Variants in DLG2 observed in about 807,000 individuals in gnomAD.
The protein encoded by DLG2 is disks large homolog 2.
In DLG2, 45 loss-of-function variants were observed where a neutral mutation model predicts 132.5. That is an observed-to-expected ratio of 0.34 (90% confidence interval 0.27 to 0.44). The LOEUF is 0.44. Ranked by LOEUF, DLG2 falls within the 20% of genes least tolerant of loss-of-function variation. The probability of loss-of-function intolerance (pLI) is 1.00; values close to 1 mark genes in which losing one functional copy is unlikely to be tolerated. For missense variants in DLG2, 1,045 were observed against 1,196.9 expected (o/e 0.87, Z 1.87); for synonymous variants, 424 against 419.6 (o/e 1.01, Z -0.13).
intron 15 of DLG2, among the ~76,000 whole-genome samples, chr11:83,919,262 C>T (rs765643186): frequency 2.6e-4 from 40 of 152,082 alleles, no homozygotes; most frequent in Non-Finnish European, 3.5e-4. Context: ...TCTACAGGTA[C>T]CATAGGCCCT....
intron 18 of DLG2, among the ~76,000 whole-genome samples, chr11:83,702,385 A>C (rs892587674): frequency 5.9e-5 from 9 of 152,242 alleles, no homozygotes; most frequent in Non-Finnish European, 1.3e-4. Context: ...AAAAGGTAGA[A>C]TGTGACTTAT....
intron 17 of DLG2, among the ~76,000 whole-genome samples, chr11:83,832,768 T>G (rs1364864112): frequency 1.3e-5 from 2 of 152,076 alleles, no homozygotes. Flanking sequence ...TTGAAATTAT[T>G]AAAAAGGTAA....
At chr11:85,122,230 C>T (rs2074408857) in intron 5 of DLG2, among the ~76,000 whole-genome samples, 1 of 152,132 alleles carries the variant, frequency 6.6e-6, no homozygotes, top group Non-Finnish European at 1.5e-5. Context: ...AACAAAGATG[C>T]AGACAATGTG....
chr11:84,903,588 T>C (rs1590973170), intron 6 of DLG2, among the ~76,000 whole-genome samples: 1 of 152,186 alleles, frequency 6.6e-6, no homozygotes, highest in African/African-American at 2.4e-5. Flanking sequence ...AATGTACACA[T>C]ATAGTGTTAT....
Position 85,422,537 on chromosome 11 carries a change from A to ATT in DLG2, c.41-137174_41-137173dup, listed in dbSNP as rs58690357. Among the ~76,000 whole-genome samples the ATT allele has an allele frequency of 1.9e-4, 27 of 145,070 alleles. 1 individual carries two copies. Among genetic ancestry groups the ATT allele is most frequent in the Middle Eastern group, 7.3e-3 (2 of 274 alleles). On this transcript the variant is annotated intron_variant, in intron 3 of 27. Coordinates refer to ENST00000376104, the MANE Select transcript of DLG2 (RefSeq NM_001142699.3). ...GTGTCCATTGTTTCCTGAAGTTTTTATTTTTTTTGGTGGGGGGGATTTGTC... is the reference window on the plus strand; with the variant it reads ...GTGTCCATTGTTTCCTGAAGTTTTTATTTTTTTTTTGGTGGGGGGGATTTGTC...
rs188225307 is a variant in DLG2 at position 85,530,015 on chromosome 11, G to A, written c.40+68642C>T. Among the ~76,000 whole-genome samples the A allele has an allele frequency of 9.0e-4, 130 of 144,440 alleles. 1 individual carries two copies. The highest frequency in any genetic ancestry group is 1.2e-4 in the Non-Finnish European group (8 of 66,264). The allele number at this position is 144,440 out of a possible 152,430, so 94.8% of individuals were successfully genotyped here. On this transcript the variant is annotated intron_variant, in intron 3 of 27. Transcript: ENST00000376104. ...TTTTTTTTTTTTTTTTTGAGGTGGA[G>A]TTTGGAGTTTCACTCTTGTTGCCCA...
intron 9 of DLG2, among the ~76,000 whole-genome samples, chr11:84,117,400 G>C (rs570994528): frequency 6.6e-6 from 1 of 152,276 alleles, no homozygotes; most frequent in African/African-American, 2.4e-5. Flanking sequence ...GAATGAAAAG[G>C]AACTAAGTGG....
At chr11:84,804,038 G>T (rs1029769669) in intron 6 of DLG2, among the ~76,000 whole-genome samples, 1 of 152,254 alleles carries the variant, frequency 6.6e-6, no homozygotes, top group Admixed American at 6.5e-5. Flanking sequence ...TTTTACTATG[G>T]TAGCAATTAT....
At chr11:84,188,331 AC>A (rs1157318168) in intron 8 of DLG2, among the ~76,000 whole-genome samples, 1 of 152,280 alleles carries the variant, frequency 6.6e-6, no homozygotes, top group East Asian at 1.9e-4. Context: ...AATTACAGTC[AC>A]ATTTTTAAGT....
chr11:85,287,200 AAT>A (rs1005513287), intron 3 of DLG2, among the ~76,000 whole-genome samples: 1 of 152,068 alleles, frequency 6.6e-6, no homozygotes. Context: ...TTATGCATAA[AAT>A]ATATATATGT....
chr11:84,667,413 G>A (rs1484617091), intron 6 of DLG2, among the ~76,000 whole-genome samples: 2 of 149,690 alleles, frequency 1.3e-5, no homozygotes, highest in Non-Finnish European at 3.0e-5. Context: ...CTTAGACAAA[G>A]TCTTTAAAAT....
chr11:84,071,386 CG>C (rs1555319495), intron 10 of DLG2, among the ~76,000 whole-genome samples: 3 of 151,956 alleles, frequency 2.0e-5, no homozygotes, highest in Non-Finnish European at 4.4e-5. Context: ...ATTACAGGCG[CG>C]AGCTACCATG....
rs548829642 is a variant in DLG2 at position 85,214,409 on chromosome 11, T to C, written c.187-59758A>G. On this transcript the variant is annotated intron_variant, in intron 4 of 27. Transcript: ENST00000376104. Reference sequence around the variant, plus strand: ...GAAAATTTCTCAACTAAATAAAGAATACAGTTGAAATTCCTCAACTTCATA... The same window carrying C: ...GAAAATTTCTCAACTAAATAAAGAACACAGTTGAAATTCCTCAACTTCATA... Among the ~76,000 whole-genome samples, 4 of 152,132 alleles carry C rather than the reference T, an allele frequency of 2.6e-5. No individual in the cohort carries two copies. In the South Asian group the frequency reaches 8.3e-4, roughly 31 times the overall value.
At chr11:84,952,917 A>G (rs1234602016) in intron 6 of DLG2, among the ~76,000 whole-genome samples, 2 of 152,162 alleles carry the variant, frequency 1.3e-5, no homozygotes, top group African/African-American at 4.8e-5. Context: ...GTGAGCTGAA[A>G]CTTCTTAGCC....
intron 3 of DLG2, among the ~76,000 whole-genome samples, chr11:85,537,159 A>AT (rs1455097581): frequency 6.6e-6 from 1 of 152,214 alleles, no homozygotes; most frequent in African/African-American, 2.4e-5. Flanking sequence ...AGGTTTGGAA[A>AT]TGCACCAATT....
intron 3 of DLG2, among the ~76,000 whole-genome samples, chr11:85,575,088 T>A (rs1807502685): frequency 6.6e-6 from 1 of 152,016 alleles, no homozygotes; most frequent in Admixed American, 6.6e-5. Context: ...GAGATGATCA[T>A]TTTAAACATA....
chr11:85,074,957 C>T (rs2066330186), intron 6 of DLG2, among the ~76,000 whole-genome samples: 1 of 151,854 alleles, frequency 6.6e-6, no homozygotes. Context: ...CTTGAGATTA[C>T]CATGCTCTCC....
In DLG2 at chr11:85,232,680, G is replaced by A. The variant is rs193220661; in HGVS notation, c.186+52540C>T. ...CCTAATACTCAAGGGATAAAAAGTC[G>A]TGGCATCATTCAGGAAAAATTGACA... On this transcript the variant is annotated intron_variant, in intron 4 of 27. Transcript: ENST00000376104. Among the ~76,000 whole-genome samples, 488 of 151,930 alleles carry A rather than the reference G, an allele frequency of 3.2e-3. 3 individuals are homozygous for A. Among genetic ancestry groups the A allele is most frequent in the African/African-American group, 0.01 (429 of 41,488 alleles).
intron 11 of DLG2, among the ~76,000 whole-genome samples, chr11:83,984,450 T>C (rs1592359325): frequency 6.6e-6 from 1 of 152,130 alleles, no homozygotes; most frequent in Non-Finnish European, 1.5e-5. Flanking sequence ...TAACACTTAA[T>C]CATATTCTAA....
Sources: allele counts gnomAD v4.1 joint callset (sites outside exome capture counted in the v4.1 genomes callset), GRCh38; gene constraint gnomAD v4.1.1; transcripts MANE v1.5; gene names NCBI Gene and HGNC (gene_info 2026-07-23, HGNC 2026-07-21).